Variants in LRRC27 observed in about 807,000 individuals in gnomAD.
LRRC27 encodes the protein leucine-rich repeat-containing protein 27.
LRRC27 carries 57 observed loss-of-function variants against 55.0 expected under a neutral mutation model. The observed-to-expected ratio is 1.04, with a 90% CI of 0.84 to 1.29. The LOEUF is 1.29. Among genes scored for constraint, LRRC27 ranks in the 50% most tolerant of loss-of-function variants. LRRC27 has a pLI of 0.00. For missense variants in LRRC27, 721 were observed against 651.5 expected (o/e 1.11, Z -1.16); for synonymous variants, 278 against 251.9 (o/e 1.10, Z -0.98).
chr10:132,344,616 A>T lies in LRRC27; in HGVS notation c.519A>T (p.Val173=). ...AGCGCTTCCTGCGGATGTGGGCAGT[A>T]GAACACTCTCTCCCCAGAAATCCAA... The part of the protein sequence containing the change: ...AIQRFLRMWA[V]EHSLPRNPTS... Residue 173 remains valine (V), a synonymous_variant, in exon 5 of 11, where the codon GTA becomes GTT. Coordinates refer to ENST00000368614, the MANE Select transcript of LRRC27 (RefSeq NM_030626.3). The T allele has an allele frequency of 6.2e-7, 1 of 1,614,172 alleles. No individual in the cohort carries two copies. The highest frequency in any genetic ancestry group is 8.5e-7 in the Non-Finnish European group (1 of 1,179,990).
chr10:132,350,880 G>A (rs1442604713), intron 6 of LRRC27: 1 of 152,246 alleles, frequency 6.6e-6, no homozygotes, highest in African/African-American at 2.4e-5. Flanking sequence ...CCTGGGCTCA[G>A]AGCCCCTATC....
At chr10:132,347,710 G>A (rs532065374) in intron 5 of LRRC27, among the ~76,000 whole-genome samples, 6 of 152,084 alleles carry the variant, frequency 3.9e-5, no homozygotes, top group South Asian at 2.1e-4. Flanking sequence ...GGTCAGGTGC[G>A]CCTGGTGGGG....
rs1157708357 is a variant in LRRC27, at chr10:132,365,438, G to A, written c.1304G>A (p.Arg435Lys). 6.2e-7 allele frequency: 1 copy of A among 1,613,542 alleles called. No individual in the cohort carries two copies. The highest frequency in any genetic ancestry group is 1.3e-5 in the African/African-American group (1 of 74,928). ...ASKEMSALQE[R>K]NLEEKIKQHV... Reference sequence around the variant, plus strand: ...TTGTTTCTCAGTGCCCTGCAGGAGAGAAATTTAGAAGAGAAGATAAAACAG... The same window carrying A: ...TTGTTTCTCAGTGCCCTGCAGGAGAAAAATTTAGAAGAGAAGATAAAACAG... Residue 435 changes from arginine (R) to lysine (K), a missense_variant, in exon 10 of 11, where the codon AGA (arginine) becomes AAA (lysine). By Grantham distance (26) the Arg-to-Lys change is conservative (BLOSUM62 2). Coordinates refer to ENST00000368614, the MANE Select transcript of LRRC27 (RefSeq NM_030626.3).
intron 9 of LRRC27, 47 bp downstream of exon 9, chr10:132,361,622 C>A: frequency 7.5e-7 from 1 of 1,331,590 alleles, no homozygotes; most frequent in Middle Eastern, 1.8e-4. Context: ...CTCAGCCAGC[C>A]ACCCACGGGC....
intron 7 of LRRC27, chr10:132,353,328 C>T: frequency 8.9e-7 from 1 of 1,128,520 alleles, no homozygotes; most frequent in South Asian, 2.3e-5. Flanking sequence ...CTGACTGGCA[C>T]AGGGCTCTTG....
rs2069387835 is a variant in LRRC27 at position 132,379,795 on chromosome 10, A to G, written c.*4553A>G. 1 of 152,104 alleles carries G rather than the reference A, an allele frequency of 6.6e-6. No homozygotes were observed. The highest frequency in any genetic ancestry group is 2.4e-5 in the African/African-American group (1 of 41,394). 9.4% of individuals were successfully genotyped at this position (152,104 alleles called of 1,614,324 possible). On this transcript the variant is annotated 3_prime_UTR_variant, in exon 11 of 11. Transcript: ENST00000368614. ...TTGTATAAGTTGACCCTTGAACAAG[A>G]GTTTGAATTATAAGGGTCCACTTAT...
chr10:132,364,639 A>G (rs1274480196), intron 9 of LRRC27, among the ~76,000 whole-genome samples: 1 of 29,546 alleles, frequency 3.4e-5, no homozygotes, highest in Admixed American at 3.9e-4. Context: ...GCCCACACTT[A>G]ACACCCACCC....
chr10:132,346,645 A>G (rs1434061061), intron 5 of LRRC27, among the ~76,000 whole-genome samples: 1 of 152,238 alleles, frequency 6.6e-6, no homozygotes, highest in Non-Finnish European at 1.5e-5. Flanking sequence ...AGCCTGGATG[A>G]CAGAGCGAGA....
chr10:132,360,975 G>T (rs547897222), intron 8 of LRRC27, among the ~76,000 whole-genome samples: 2 of 152,208 alleles, frequency 1.3e-5, no homozygotes, highest in Non-Finnish European at 1.5e-5. Context: ...TCACGCCGCC[G>T]TTGGGGTGCT....
Position 132,348,463 on chromosome 10 carries a change from G to C in LRRC27, c.926+107G>C. 2 of 1,447,516 alleles carry C rather than the reference G, an allele frequency of 1.4e-6. No individual in the cohort carries two copies. Among genetic ancestry groups the C allele is most frequent in the Non-Finnish European group, 1.9e-6 (2 of 1,068,442 alleles). The allele number at this position is 1,447,516 out of a possible 1,614,324, so 89.7% of individuals were successfully genotyped here. On this transcript the variant is annotated intron_variant, in intron 6 of 10. Coordinates refer to ENST00000368614, the MANE Select transcript of LRRC27 (RefSeq NM_030626.3). The surrounding 1 kb of genome is among the most constrained non-coding windows in gnomAD (Gnocchi z 4.2). ...GTCCAGCTTTTAAAGTGTCCTCCACGTTGCCACCGTTTACTGTGCAGTGAG... is the reference window on the plus strand; with the variant it reads ...GTCCAGCTTTTAAAGTGTCCTCCACCTTGCCACCGTTTACTGTGCAGTGAG...
intron 2 of LRRC27, chr10:132,337,352 A>G: frequency 7.4e-7 from 1 of 1,351,738 alleles, no homozygotes; most frequent in Non-Finnish European, 9.5e-7. Context: ...TTCCGGCTCC[A>G]AAGGCCGCCG....
chr10:132,339,718 G>A (rs1341182047), intron 3 of LRRC27, among the ~76,000 whole-genome samples: 2 of 152,218 alleles, frequency 1.3e-5, no homozygotes. Flanking sequence ...ATCACTGGGT[G>A]CTCTTTTGTC....
At chr10:132,333,434 G>A in intron 1 of LRRC27, 43 bp from the exon 2 acceptor site, 2 of 905,762 alleles carry the variant, frequency 2.2e-6, no homozygotes, top group Non-Finnish European at 3.2e-6. Context: ...TTTTGCCTCG[G>A]TATAATTAGT....
intron 2 of LRRC27, among the ~76,000 whole-genome samples, chr10:132,336,331 G>T (rs1269050683): frequency 6.6e-6 from 1 of 152,186 alleles, no homozygotes; most frequent in Non-Finnish European, 1.5e-5. Context: ...CCATATACGT[G>T]GGGGCACACA....
At chr10:132,339,685 G>C (rs74789519) in intron 3 of LRRC27, among the ~76,000 whole-genome samples, 14,983 of 152,206 alleles carry the variant, frequency 0.098, 859 homozygotes, top group African/African-American at 0.16. Flanking sequence ...TTCTTCACAC[G>C]ATCATCATCT....
At chr10:132,354,050 C>T (rs1590674721) in intron 7 of LRRC27, among the ~76,000 whole-genome samples, 2 of 152,314 alleles carry the variant, frequency 1.3e-5, no homozygotes. Context: ...CCCACTCCCT[C>T]TTGGCCATGG....
chr10:132,374,973 C>G lies in LRRC27; in HGVS notation c.1417-93C>G. Reference sequence around the variant, plus strand: ...GCTGGCTCTGCTGACGCCCACATGGCCTGGGCCCCACGTGGAATCTGAGCC... The same window carrying G: ...GCTGGCTCTGCTGACGCCCACATGGGCTGGGCCCCACGTGGAATCTGAGCC... On this transcript the variant is annotated intron_variant, in intron 10 of 10. Coordinates refer to ENST00000368614, the MANE Select transcript of LRRC27 (RefSeq NM_030626.3). This position sits in a 1 kb window ranked among gnomAD's most constrained non-coding sequence, Gnocchi z 4.4. 1 of 1,360,940 alleles carries G rather than the reference C, an allele frequency of 7.3e-7. No individual in the cohort carries two copies. The highest frequency in any genetic ancestry group is 1.0e-6 in the Non-Finnish European group (1 of 989,580). 84.3% of individuals were successfully genotyped at this position (1,360,940 alleles called of 1,614,324 possible).
intron 5 of LRRC27, 76 bp downstream of exon 5, chr10:132,344,726 C>A (rs946431291): frequency 3.3e-6 from 5 of 1,513,712 alleles, no homozygotes; most frequent in African/African-American, 1.4e-5. Context: ...CAGAACCTGT[C>A]TTCTCTTTAA....
chr10:132,337,255 C>G, intron 2 of LRRC27: 1 of 1,188,396 alleles, frequency 8.4e-7, no homozygotes, highest in Non-Finnish European at 1.0e-6. Flanking sequence ...GTGTGGGGCC[C>G]CGGAATTCAG....
Sources: gnomAD v4.1 joint callset for allele counts (sites outside exome capture counted in the v4.1 genomes callset) on GRCh38, gnomAD v4.1.1 for gene constraint, Gnocchi (gnomAD v3.1) non-coding constraint, MANE v1.5 for transcripts, NCBI Gene and HGNC (gene_info 2026-07-23, HGNC 2026-07-21) for gene names.